STX18: variants seen among roughly 807,000 people sequenced by gnomAD.
STX18 encodes the protein syntaxin-18.
Under a neutral mutation model 50.1 loss-of-function variants are expected in STX18, and 40 were observed. That is an observed-to-expected ratio of 0.80 (90% CI 0.62 to 1.04). The LOEUF is 1.04. STX18 is among the 50% of genes least tolerant of loss of function. The probability of loss-of-function intolerance (pLI) is 0.00; values close to 1 mark genes in which losing one functional copy is unlikely to be tolerated. For synonymous variants in STX18, 158 were observed against 151.8 expected, an observed-to-expected ratio of 1.04 and a Z score of -0.30; for missense variants, 410 against 415.8, an observed-to-expected ratio of 0.99 and a Z score of 0.12.
At chr4:4,455,225 GCTGA>G (rs1315655911) in intron 5 of STX18, among the ~76,000 whole-genome samples, 1 of 152,192 alleles carries the variant, frequency 6.6e-6, no homozygotes, top group Non-Finnish European at 1.5e-5. Flanking sequence ...TCCTGATTAA[GCTGA>G]CTAATTTTTC....
chr4:4,486,819 T>C (rs1253351659), intron 1 of STX18, among the ~76,000 whole-genome samples: 1 of 152,206 alleles, frequency 6.6e-6, no homozygotes, highest in Non-Finnish European at 1.5e-5. Context: ...TTACATATCT[T>C]CAAAAACAAA....
intron 5 of STX18, among the ~76,000 whole-genome samples, chr4:4,441,788 A>T (rs1484472929): frequency 3.3e-5 from 5 of 152,260 alleles, no homozygotes; most frequent in African/African-American, 7.2e-5. Context: ...AAGAATGGTC[A>T]GAAAAACTGT....
intron 5 of STX18, among the ~76,000 whole-genome samples, chr4:4,454,503 G>C (rs1410402131): frequency 6.6e-6 from 1 of 152,162 alleles, no homozygotes; most frequent in Non-Finnish European, 1.5e-5. Context: ...CCTCTCCCTG[G>C]TGAGTGTGAG....
At chr4:4,467,698 A>G (rs1238958870) in intron 2 of STX18, among the ~76,000 whole-genome samples, 2 of 141,684 alleles carry the variant, frequency 1.4e-5, no homozygotes, top group East Asian at 2.1e-4. Flanking sequence ...TTATCAGAGT[A>G]CCTAACACAG....
At position 4,471,664 on chromosome 4, in the gene STX18, T is replaced by C. The variant is rs1156403511; in HGVS notation, c.211A>G (p.Arg71Gly). 6.3e-7 allele frequency: 1 copy of C among 1,583,474 alleles called. No individual in the cohort carries two copies. The highest frequency in any genetic ancestry group is 2.0e-5 in the Admixed American group (1 of 49,764). Residue 71 changes from arginine (R) to glycine (G), a missense_variant, in exon 2 of 11, where the codon AGG becomes GGG. Coordinates refer to ENST00000306200, the MANE Select transcript of STX18 (RefSeq NM_016930.4). ...CTATAAGCATTAATATAATCTTTCCTGTGTTCCAGAAGAAAATCTCTCAGT... is the reference window on the plus strand; with the variant it reads ...CTATAAGCATTAATATAATCTTTCCCGTGTTCCAGAAGAAAATCTCTCAGT... The part of the protein sequence containing the change: ...GKLRDFLLEH[R>G]KDYINAYSHT...
At chr4:4,508,542 AT>A (rs1053199741) in intron 1 of STX18, among the ~76,000 whole-genome samples, 7 of 151,862 alleles carry the variant, frequency 4.6e-5, no homozygotes, top group Admixed American at 2.6e-4. Flanking sequence ...ACAACAAACA[AT>A]TTTTTTTCTT....
At position 4,532,172 on chromosome 4, in the gene STX18, G is replaced by A. The variant is rs756761410; in HGVS notation, c.168+9625C>T. ...GCATATGGAGAGGGATTACATAACCGTATTGTAGAAGAATCTTGATTTTAT... is the reference window on the plus strand; with the variant it reads ...GCATATGGAGAGGGATTACATAACCATATTGTAGAAGAATCTTGATTTTAT... On this transcript the variant is annotated intron_variant, in intron 1 of 10. Coordinates refer to ENST00000306200, the MANE Select transcript of STX18 (RefSeq NM_016930.4). Among the ~76,000 whole-genome samples the A allele has an allele frequency of 1.2e-4, 18 of 152,184 alleles. 1 individual carries two copies. The highest frequency in any genetic ancestry group is 2.2e-4 in the Non-Finnish European group (15 of 68,014).
intron 1 of STX18, among the ~76,000 whole-genome samples, chr4:4,521,301 A>G (rs891617615): frequency 2.0e-5 from 3 of 152,198 alleles, no homozygotes; most frequent in African/African-American, 7.2e-5. Context: ...AGCCTTTACA[A>G]TTGACCACAC....
At chr4:4,431,031 C>A (rs1269074373) in intron 7 of STX18, among the ~76,000 whole-genome samples, 2 of 152,164 alleles carry the variant, frequency 1.3e-5, no homozygotes, top group African/African-American at 4.8e-5. Context: ...AACTCTCACA[C>A]CTACAGGCTG....
intron 1 of STX18, among the ~76,000 whole-genome samples, chr4:4,510,858 A>C (rs554952094): frequency 4.5e-4 from 69 of 152,362 alleles, no homozygotes; most frequent in African/African-American, 1.7e-3. Context: ...TTGCAGGGAC[A>C]TGGATGAAGC....
intron 7 of STX18, chr4:4,425,475 A>G (rs1725199083): frequency 1.7e-6 from 1 of 584,322 alleles, no homozygotes; most frequent in Admixed American, 3.0e-5. Flanking sequence ...CCAGGGGTAC[A>G]AGCTGACTGC....
At chr4:4,478,352 A>C (rs781756138) in intron 1 of STX18, among the ~76,000 whole-genome samples, 6 of 152,212 alleles carry the variant, frequency 3.9e-5, no homozygotes, top group Non-Finnish European at 8.8e-5. Flanking sequence ...ATTGAGAAGA[A>C]GGTTCACAAA....
intron 1 of STX18, among the ~76,000 whole-genome samples, chr4:4,486,386 T>C (rs1728700126): frequency 6.6e-6 from 1 of 152,064 alleles, no homozygotes; most frequent in Non-Finnish European, 1.5e-5. Flanking sequence ...GGAGGTAAAA[T>C]AGACAAGAAA....
At chr4:4,497,913 A>T (rs971497811) in intron 1 of STX18, among the ~76,000 whole-genome samples, 1 of 152,198 alleles carries the variant, frequency 6.6e-6, no homozygotes, top group African/African-American at 2.4e-5. Context: ...CCAAGACACA[A>T]GAATGTAAGG....
At chr4:4,459,567 G>A in intron 2 of STX18, 80 bp from the exon 3 acceptor site, 2 of 1,009,750 alleles carry the variant, frequency 2.0e-6, no homozygotes, top group African/African-American at 1.6e-5. Flanking sequence ...GAGAAGAAAA[G>A]GCCTCCCTGA....
At chr4:4,496,665 G>T (rs1175072001) in intron 1 of STX18, among the ~76,000 whole-genome samples, 4 of 152,172 alleles carry the variant, frequency 2.6e-5, no homozygotes, top group Non-Finnish European at 5.9e-5. Context: ...TTCAGCCTTG[G>T]ATGGTGCTGC....
At chr4:4,491,422 G>T (rs1435216021) in intron 1 of STX18, among the ~76,000 whole-genome samples, 3 of 152,022 alleles carry the variant, frequency 2.0e-5, no homozygotes, top group African/African-American at 7.2e-5. Context: ...TAGGAAAAAG[G>T]ATATATATTA....
intron 1 of STX18, among the ~76,000 whole-genome samples, chr4:4,501,130 G>C (rs1338978266): frequency 6.6e-6 from 1 of 152,134 alleles, no homozygotes; most frequent in Non-Finnish European, 1.5e-5. Context: ...TTTTCACAAG[G>C]ACAAATTATG....
At chr4:4,473,633 G>C (rs1728034754) in intron 1 of STX18, among the ~76,000 whole-genome samples, 1 of 152,110 alleles carries the variant, frequency 6.6e-6, no homozygotes, top group African/African-American at 2.4e-5. Context: ...AAAATTAAGA[G>C]ATACGCAAGC....
Sources: allele counts gnomAD v4.1 joint callset (sites outside exome capture counted in the v4.1 genomes callset), GRCh38; gene constraint gnomAD v4.1.1; transcripts MANE v1.5; gene names NCBI Gene and HGNC (gene_info 2026-07-23, HGNC 2026-07-21).